Variants in NTMT2 observed in about 807,000 individuals in gnomAD.
NTMT2 encodes the protein N-terminal Xaa-Pro-Lys N-methyltransferase 2.
Under a neutral mutation model 23.4 loss-of-function variants are expected in NTMT2, and 21 were observed. That is an observed-to-expected ratio of 0.90 (90% CI 0.64 to 1.29). The LOEUF (loss-of-function observed/expected upper bound fraction) is 1.29, where lower values mean the gene tolerates loss of function less well. NTMT2 is among the 50% of genes most tolerant of loss of function. The probability of loss-of-function intolerance (pLI) is 0.00; values close to 1 mark genes in which losing one functional copy is unlikely to be tolerated. For synonymous variants in NTMT2, 131 were observed against 127.7 expected, an observed-to-expected ratio of 1.03 and a Z score of -0.17; for missense variants, 336 against 352.0, an observed-to-expected ratio of 0.95 and a Z score of 0.36.
Position 170,167,792 on chromosome 1 carries a change from TG to T in NTMT2, c.*37del. 2.0e-6 allele frequency: 3 copies of T among 1,518,830 alleles called. No homozygotes were observed. Among genetic ancestry groups the T allele is most frequent in the Non-Finnish European group, 2.7e-6 (3 of 1,129,050 alleles). The allele number at this position is 1,518,830 out of a possible 1,614,324, so 94.1% of individuals were successfully genotyped here. A position where few individuals can be genotyped will look rare whatever the true frequency, so the allele number is the denominator to read the frequency against. On this transcript the variant is annotated 3_prime_UTR_variant, in exon 4 of 4. Transcript: ENST00000439373. ...GGGAATGAACGACTGGACTGGGCAG[TG>T]GTGCTTTGGGATGGGGTTGCTATCC... is the stretch of plus-strand genomic sequence containing the variant.
At position 170,146,272 on chromosome 1, in the gene NTMT2, C is replaced by A. The variant is rs1672963222; in HGVS notation, c.154+11C>A. ...AAAAAATTCCCCTGGGTAAGTGAGT[C>A]AGAGCTACTAGATAAGAAACAAGAA... On this transcript the variant is annotated intron_variant, in intron 1 of 3. Transcript: ENST00000439373. 1 of 1,548,568 alleles carries A rather than the reference C, an allele frequency of 6.5e-7. No homozygotes were observed. The highest frequency in any genetic ancestry group is 1.2e-5 in the South Asian group (1 of 83,704).
At chr1:170,158,928 T>A (rs190285505) in intron 1 of NTMT2, among the ~76,000 whole-genome samples, 1 of 152,172 alleles carries the variant, frequency 6.6e-6, no homozygotes, top group Admixed American at 6.5e-5. Flanking sequence ...GAGTTTTTCG[T>A]TTGTTTTGGC....
chr1:170,147,032 A>G (rs2102227791), intron 1 of NTMT2, among the ~76,000 whole-genome samples: 1 of 152,354 alleles, frequency 6.6e-6, no homozygotes, highest in South Asian at 2.1e-4. Context: ...CCCCAGTGAA[A>G]GCAAGAAGGC....
intron 1 of NTMT2, among the ~76,000 whole-genome samples, chr1:170,160,183 T>C (rs541664273): frequency 1.3e-5 from 2 of 152,336 alleles, no homozygotes; most frequent in East Asian, 3.9e-4. Context: ...GATGACATTC[T>C]TTACATTATT....
Position 170,167,623 on chromosome 1 carries a change from CG to C in NTMT2, c.721del (p.Asp241ThrfsTer8). ...TGATCTCTCTGACAGCAGTGTGACT[CG>C]GGACATGGACATCCTCCGGAGCCTA... ...ILDLSDSSVT[R>X]DMDILRSLIR... On this transcript the variant is annotated frameshift_variant, in exon 4 of 4. Transcript: ENST00000439373. LOFTEE classifies it high-confidence loss of function. 1 of 1,551,634 alleles carries C rather than the reference CG, an allele frequency of 6.4e-7. No individual in the cohort carries two copies. Among genetic ancestry groups the C allele is most frequent in the Non-Finnish European group, 8.7e-7 (1 of 1,146,980 alleles).
intron 2 of NTMT2, among the ~76,000 whole-genome samples, chr1:170,164,282 T>C (rs924491135): frequency 2.0e-5 from 3 of 152,348 alleles, no homozygotes; most frequent in Admixed American, 6.5e-5. Flanking sequence ...TCCAGGATTC[T>C]ACTTCTGAAA....
chr1:170,167,922 T>C lies in NTMT2; in HGVS notation c.*165T>C, dbSNP rs1314480439. On this transcript the variant is annotated 3_prime_UTR_variant, in exon 4 of 4. Coordinates refer to ENST00000439373, the MANE Select transcript of NTMT2 (RefSeq NM_001136107.2). ...AATATGTACATGTTTTCAGTGATTA[T>C]ATAATGCACACACTCTGATGAGACA... The C allele has an allele frequency of 6.8e-6, 5 of 731,802 alleles. No homozygotes were observed. The highest frequency in any genetic ancestry group is 3.6e-5 in the African/African-American group (2 of 56,276). 45.3% of individuals were successfully genotyped at this position (731,802 alleles called of 1,614,324 possible). A position where few individuals can be genotyped will look rare whatever the true frequency, so the allele number is the denominator to read the frequency against.
At position 170,160,123 on chromosome 1, in the gene NTMT2, A is replaced by C. The variant is rs546295953; in HGVS notation, c.155-395A>C. Among the ~76,000 whole-genome samples, 134 of 152,350 alleles carry C rather than the reference A, an allele frequency of 8.8e-4. 3 individuals carry two copies. The highest frequency in any genetic ancestry group is 4.2e-3 in the Admixed American group (64 of 15,304). ...AAACTTTATTATAAGCTTAATGAGA[A>C]AATTCTCAGAAAACATTTGGAGTTC... On this transcript the variant is annotated intron_variant, in intron 1 of 3. Transcript: ENST00000439373.
chr1:170,168,863 C>A lies in NTMT2; in HGVS notation c.*1106C>A, dbSNP rs969970215. Among the ~76,000 whole-genome samples, 1 of 152,154 alleles carries A rather than the reference C, an allele frequency of 6.6e-6. No individual in the cohort carries two copies. The highest frequency in any genetic ancestry group is 1.5e-5 in the Non-Finnish European group (1 of 68,016). The stretch of plus-strand genomic sequence containing the variant: ...GGTTTAATTAAAAATAATCTAAAAT[C>A]ATTCAAAAAATGTAATTCAATTTTT... On this transcript the variant is annotated 3_prime_UTR_variant, in exon 4 of 4. Coordinates refer to ENST00000439373, the MANE Select transcript of NTMT2 (RefSeq NM_001136107.2).
chr1:170,156,155 A>AG (rs1255505568), intron 1 of NTMT2, among the ~76,000 whole-genome samples: 1 of 152,146 alleles, frequency 6.6e-6, no homozygotes, highest in Admixed American at 6.5e-5. Flanking sequence ...TTCATGGTTA[A>AG]GGTCTTATGG....
chr1:170,160,687 T>C lies in NTMT2; in HGVS notation c.324T>C (p.Phe108=). ...IQASQKFLRK[F]VGGPGRAGTD... is the part of the protein sequence containing the mutation. ...CCTCTCAGAAATTTCTTAGGAAATT[T>C]GTTGGGGTGAGTTATTCAACTGCAG... Residue 108 remains phenylalanine (F), a synonymous_variant, in exon 2 of 4, where the codon TTT becomes TTC. Coordinates refer to ENST00000439373, the MANE Select transcript of NTMT2 (RefSeq NM_001136107.2). 1 of 1,525,918 alleles carries C rather than the reference T, an allele frequency of 6.6e-7. No homozygotes were observed. The highest frequency in any genetic ancestry group is 8.8e-7 in the Non-Finnish European group (1 of 1,139,124). 94.5% of individuals were successfully genotyped at this position (1,525,918 alleles called of 1,614,324 possible).
chr1:170,146,097 C>T lies in NTMT2; in HGVS notation c.-11C>T. The T allele has an allele frequency of 6.5e-7, 1 of 1,548,474 alleles. No homozygotes were observed. ...CTTTCTCTGTAGGAATCATTATTATCCCCCTTTGTCATGGCCCACCGGGGA... is the reference window on the plus strand; with the variant it reads ...CTTTCTCTGTAGGAATCATTATTATTCCCCTTTGTCATGGCCCACCGGGGA... On this transcript the variant is annotated 5_prime_UTR_variant, in exon 1 of 4. Transcript: ENST00000439373.
intron 1 of NTMT2, among the ~76,000 whole-genome samples, chr1:170,159,523 G>A (rs1318972663): frequency 7.5e-6 from 1 of 132,594 alleles, no homozygotes; most frequent in Non-Finnish European, 1.6e-5. Context: ...CAAATATTTT[G>A]GCCTGCAAAT....
At chr1:170,159,601 T>C (rs1184132297) in intron 1 of NTMT2, among the ~76,000 whole-genome samples, 3 of 152,132 alleles carry the variant, frequency 2.0e-5, no homozygotes, top group Non-Finnish European at 4.4e-5. Flanking sequence ...CTGTCAGTGA[T>C]ACCCTCTCAT....
At chr1:170,153,236 T>C (rs1037864116) in intron 1 of NTMT2, among the ~76,000 whole-genome samples, 1 of 152,212 alleles carries the variant, frequency 6.6e-6, no homozygotes, top group African/African-American at 2.4e-5. Context: ...TTTATAGCAA[T>C]GCAAGAATGG....
chr1:170,148,672 T>C (rs1022213270), intron 1 of NTMT2, among the ~76,000 whole-genome samples: 1 of 152,212 alleles, frequency 6.6e-6, no homozygotes, highest in African/African-American at 2.4e-5. Flanking sequence ...AAATTAACTC[T>C]GGAATCTTAA....
Position 170,168,131 on chromosome 1 carries a change from G to GTTT in NTMT2, c.*382_*384dup, listed in dbSNP as rs11385158. On this transcript the variant is annotated 3_prime_UTR_variant, in exon 4 of 4. Transcript: ENST00000439373. ...CACAACATCCTAGACAAAAATGGTGGTTTTTTTTTTGTTTTTCCATCACAA... is the reference window on the plus strand; with the variant it reads ...CACAACATCCTAGACAAAAATGGTGGTTTTTTTTTTTTTGTTTTTCCATCACAA... Among the ~76,000 whole-genome samples the GTTT allele has an allele frequency of 2.9e-4, 43 of 146,092 alleles. No homozygotes were observed. Among genetic ancestry groups the GTTT allele is most frequent in the African/African-American group, 9.0e-4 (36 of 39,906 alleles).
At chr1:170,165,234 GA>G (rs1673356418) in intron 2 of NTMT2, among the ~76,000 whole-genome samples, 1 of 152,074 alleles carries the variant, frequency 6.6e-6, no homozygotes, top group Non-Finnish European at 1.5e-5. Flanking sequence ...TCATAAATCA[GA>G]AAAGTTTTTT....
chr1:170,159,889 C>G lies in NTMT2; in HGVS notation c.155-629C>G, dbSNP rs538770014. 2.0e-5 allele frequency among the ~76,000 whole-genome samples: 3 copies of G among 152,050 alleles called. No homozygotes were observed. In the East Asian group the frequency reaches 5.8e-4, roughly 29 times the overall value. On this transcript the variant is annotated intron_variant, in intron 1 of 3. Transcript: ENST00000439373. ...TACATTTTTGAAAATAATGAAATGA[C>G]AAAGTATATGTGAATGTGCCTGGCA...
Sources: gnomAD v4.1 joint callset for allele counts (sites outside exome capture counted in the v4.1 genomes callset) on GRCh38, gnomAD v4.1.1 for gene constraint, MANE v1.5 for transcripts, NCBI Gene and HGNC (gene_info 2026-07-23, HGNC 2026-07-21) for gene names.